DOCK2: variants seen among roughly 807,000 people sequenced by gnomAD.
DOCK2 encodes dedicator of cytokinesis 2.
DOCK2 carries 87 observed loss-of-function variants against 248.9 expected under a neutral mutation model. That is an observed-to-expected ratio of 0.35 (90% CI 0.29 to 0.42). The LOEUF is 0.42. Among genes scored for constraint, DOCK2 ranks in the 10% least tolerant of loss-of-function variants. The pLI, the probability that DOCK2 is intolerant of heterozygous loss-of-function variation, is 1.00. For missense variants in DOCK2, 1,747 were observed against 2,300.2 expected, an observed-to-expected ratio of 0.76 and a Z score of 4.92; for synonymous variants, 805 against 821.6, an observed-to-expected ratio of 0.98 and a Z score of 0.35.
intron 44 of DOCK2, among the ~76,000 whole-genome samples, chr5:170,066,315 C>T (rs191043496): frequency 3.3e-5 from 5 of 152,130 alleles, no homozygotes; most frequent in African/African-American, 1.2e-4. Context: ...AAGACAAGGT[C>T]ATTATATAGT....
chr5:170,025,936 C>T (rs1378836785), intron 33 of DOCK2, among the ~76,000 whole-genome samples: 4 of 151,970 alleles, frequency 2.6e-5, no homozygotes, highest in African/African-American at 7.2e-5. Flanking sequence ...GTTCCCACCT[C>T]GACAGCTTTG....
chr5:169,706,341 G>T (rs535776166), intron 14 of DOCK2, among the ~76,000 whole-genome samples: 27 of 152,210 alleles, frequency 1.8e-4, no homozygotes, highest in Non-Finnish European at 3.4e-4. Flanking sequence ...ATCTTTGTAG[G>T]CTGGAAGGCA....
chr5:169,970,588 C>CGTTCA (rs1561858361), intron 27 of DOCK2, among the ~76,000 whole-genome samples: 1 of 152,214 alleles, frequency 6.6e-6, no homozygotes, highest in African/African-American at 2.4e-5. Flanking sequence ...CCCATCTGTG[C>CGTTCA]TGCAGGGAGG....
intron 27 of DOCK2, among the ~76,000 whole-genome samples, chr5:169,930,995 G>A (rs928836794): frequency 1.3e-5 from 2 of 152,252 alleles, no homozygotes; most frequent in South Asian, 4.1e-4. Flanking sequence ...AGGTACTCAT[G>A]TGTGTGCCAG....
chr5:169,951,307 C>T lies in DOCK2; in HGVS notation c.2800-31761C>T, dbSNP rs369585982. Among the ~76,000 whole-genome samples, 281 of 152,310 alleles carry T rather than the reference C, an allele frequency of 1.8e-3. 6 individuals carry two copies. In the South Asian group the frequency reaches 0.048, roughly 26 times the overall value. Reference sequence around the variant, plus strand: ...TTCTTTGGTCCTCTTGTTTGTTTCACGGACATTCCTTCTGATGCTGCATAT... The same window carrying T: ...TTCTTTGGTCCTCTTGTTTGTTTCATGGACATTCCTTCTGATGCTGCATAT... On this transcript the variant is annotated intron_variant, in intron 27 of 51. Coordinates refer to ENST00000520908, the MANE Select transcript of DOCK2 (RefSeq NM_004946.3).
chr5:169,933,654 G>C (rs1454224303), intron 27 of DOCK2, among the ~76,000 whole-genome samples: 1 of 152,126 alleles, frequency 6.6e-6, no homozygotes, highest in Admixed American at 6.5e-5. Context: ...AACAGCTGTA[G>C]AAGTCAGGGG....
chr5:170,058,796 G>A (rs1326021228), intron 44 of DOCK2, among the ~76,000 whole-genome samples: 2 of 152,174 alleles, frequency 1.3e-5, no homozygotes, highest in Non-Finnish European at 2.9e-5. Context: ...TGTATCAGAC[G>A]ATAGCATTGA....
Position 169,840,768 on chromosome 5 carries a change from C to T in DOCK2, c.2715C>T (p.Tyr905=). 6.2e-7 allele frequency: 1 copy of T among 1,613,904 alleles called. No homozygotes were observed. The highest frequency in any genetic ancestry group is 8.5e-7 in the Non-Finnish European group (1 of 1,179,920). The part of the protein sequence containing the change: ...VLSYQDAAFT[Y]HHIQEIMVQL... ...TGACTGTTTTACAGGCCTTCACCTA[C>T]CACCATATCCAGGAGATCATGGTCC... The change falls in exon 27 of 52, where the codon TAC becomes TAT. Residue 905 remains tyrosine (Y), a synonymous_variant. Coordinates refer to ENST00000520908, the MANE Select transcript of DOCK2 (RefSeq NM_004946.3).
chr5:169,996,167 G>A lies in DOCK2; in HGVS notation c.3072+3G>A. On this transcript the variant is annotated splice_donor_region_variant and intron_variant, in intron 30 of 51. Transcript: ENST00000520908. ...AACACACGAACTTTGAGTTCCAGGTGAGTATAAGCCACCAGAGCTACCCTT... is the reference window on the plus strand; with the variant it reads ...AACACACGAACTTTGAGTTCCAGGTAAGTATAAGCCACCAGAGCTACCCTT... 1.9e-6 allele frequency: 3 copies of A among 1,613,710 alleles called. No individual in the cohort carries two copies. The highest frequency in any genetic ancestry group is 1.7e-6 in the Non-Finnish European group (2 of 1,179,770).
rs140950955 is a variant in DOCK2, at chr5:169,786,986, A to G, written c.2555-16072A>G. Among the ~76,000 whole-genome samples, 547 of 152,302 alleles carry G rather than the reference A, an allele frequency of 3.6e-3. 3 individuals carry two copies. The highest frequency in any genetic ancestry group is 0.012 in the African/African-American group (519 of 41,560). On this transcript the variant is annotated intron_variant, in intron 25 of 51. Transcript: ENST00000520908. ...AATAACAGTAGCTTATACTTTTATA[A>G]TGCTTTCCATGGGCCAGGTATGCTG... is the stretch of plus-strand genomic sequence containing the variant.
intron 34 of DOCK2, among the ~76,000 whole-genome samples, chr5:170,030,007 C>T (rs768366837): frequency 6.6e-5 from 10 of 152,174 alleles, no homozygotes; most frequent in Non-Finnish European, 1.2e-4. Flanking sequence ...CTGTCTGCCC[C>T]TCAGGTGGAT....
At chr5:169,718,884 A>G in intron 22 of DOCK2, 93 bp downstream of exon 22, 1 of 1,478,912 alleles carries the variant, frequency 6.8e-7, no homozygotes. Flanking sequence ...CGTTTAAAAA[A>G]TTATAACCAG....
intron 27 of DOCK2, among the ~76,000 whole-genome samples, chr5:169,938,639 A>G (rs259906): frequency 0.48 from 72,371 of 151,996 alleles, 17,441 homozygotes; most frequent in South Asian, 0.67. Flanking sequence ...AGTGGTGAGT[A>G]AATGTGAAGG....
chr5:170,015,785 C>T (rs13176943), intron 32 of DOCK2, among the ~76,000 whole-genome samples: 2 of 151,204 alleles, frequency 1.3e-5, no homozygotes, highest in Non-Finnish European at 3.0e-5. Context: ...CAAAAGCCTC[C>T]CTCCCTCCCT....
chr5:169,926,931 G>A (rs1029894765), intron 27 of DOCK2, among the ~76,000 whole-genome samples: 4 of 152,346 alleles, frequency 2.6e-5, no homozygotes, highest in African/African-American at 7.2e-5. Flanking sequence ...GCAGAATAGG[G>A]AAGAACTAAA....
Position 169,866,606 on chromosome 5 carries a change from C to T in DOCK2, c.2799+25754C>T, listed in dbSNP as rs187263731. 1.7e-3 allele frequency among the ~76,000 whole-genome samples: 258 copies of T among 152,306 alleles called. 1 individual carries two copies. The highest frequency in any genetic ancestry group is 0.014 in the Admixed American group (211 of 15,302). On this transcript the variant is annotated intron_variant, in intron 27 of 51. Transcript: ENST00000520908. ...ATGGTAGGCAGACAATCTCCCTGGC[C>T]TCCTGGCACTGCTAATCCAGTGAAT...
At chr5:169,926,605 A>G (rs1412519244) in intron 27 of DOCK2, among the ~76,000 whole-genome samples, 2 of 152,226 alleles carry the variant, frequency 1.3e-5, no homozygotes, top group African/African-American at 4.8e-5. Flanking sequence ...AGGACAGAAT[A>G]GGGTTTAAGC....
At chr5:169,682,493 G>A (rs1207994231) in intron 7 of DOCK2, among the ~76,000 whole-genome samples, 1 of 152,248 alleles carries the variant, frequency 6.6e-6, no homozygotes, top group African/African-American at 2.4e-5. Context: ...CGGGTAGGTG[G>A]AGACAGATCT....
intron 32 of DOCK2, among the ~76,000 whole-genome samples, 186 bp downstream of exon 32, chr5:170,008,932 A>G (rs972992039): frequency 1.3e-5 from 2 of 151,972 alleles, no homozygotes; most frequent in Admixed American, 6.6e-5. Context: ...CCCCATACCC[A>G]CTTCTACCCC....
Sources: gnomAD v4.1 joint callset for allele counts (sites outside exome capture counted in the v4.1 genomes callset) on GRCh38, gnomAD v4.1.1 for gene constraint, MANE v1.5 for transcripts, NCBI Gene and HGNC (gene_info 2026-07-23, HGNC 2026-07-21) for gene names.